The following HSPG2 variants were observed in gnomAD, a reference collection of about 807,000 sequenced individuals.
HSPG2 encodes heparan sulfate proteoglycan 2.
A neutral mutation model predicts 526.6 loss-of-function variants in HSPG2; 278 were observed. The observed-to-expected ratio is 0.53, with a 90% CI of 0.48 to 0.58. HSPG2 has a LOEUF of 0.58. Ranked by LOEUF, HSPG2 falls within the 20% of genes least tolerant of loss-of-function variation. The pLI, the probability that HSPG2 is intolerant of heterozygous loss-of-function variation, is 0.00. For synonymous variants in HSPG2, 2,465 were observed against 2,555.4 expected, an observed-to-expected ratio of 0.96 and a Z score of 1.07; for missense variants, 5,354 against 6,099.5, an observed-to-expected ratio of 0.88 and a Z score of 4.07.
At chr1:21,853,876 A>G (rs943561143) in intron 50 of HSPG2, 3 of 408,320 alleles carry the variant, frequency 7.3e-6, no homozygotes, top group Non-Finnish European at 4.6e-6. Flanking sequence ...CCAAAAGTTA[A>G]AAGCTAGTTC....
At position 21,879,007 on chromosome 1, in the gene HSPG2, C is replaced by T. The variant is rs1183271864; in HGVS notation, c.2458G>A (p.Asp820Asn). Reference sequence around the variant, plus strand: ...GCTGGGGCTGACCTGCGGGAGGCATCGATGTATGGGCAAGGGCAGGGCCGG... The same window carrying T: ...GCTGGGGCTGACCTGCGGGAGGCATTGATGTATGGGCAAGGGCAGGGCCGG... The part of the protein sequence containing the change: ...SCRPCPCPYI[D>N]ASRRFSDTCF... Residue 820 changes from aspartate to asparagine, a missense_variant, in exon 18 of 97, where the codon GAT (aspartate) becomes AAT (asparagine). Physicochemically the swap from Asp to Asn is conservative, Grantham distance 23. Coordinates refer to ENST00000374695, the MANE Select transcript of HSPG2 (RefSeq NM_005529.7). 3 of 1,613,746 alleles carry T rather than the reference C, an allele frequency of 1.9e-6. No individual in the cohort carries two copies. Among genetic ancestry groups the T allele is most frequent in the East Asian group, 2.2e-5 (1 of 44,890 alleles).
In HSPG2 at chr1:21,897,671, G is replaced by A. The variant is rs548294968; in HGVS notation, c.64-1361C>T. Among the ~76,000 whole-genome samples the A allele has an allele frequency of 2.6e-5, 4 of 152,248 alleles. No homozygotes were observed. In the East Asian group the frequency reaches 7.7e-4, roughly 29 times the overall value. On this transcript the variant is annotated intron_variant, in intron 1 of 96. Transcript: ENST00000374695. ...AGACACACAAGACTACAAACTATAC[G>A]ATTCCATTTATATGAACCCTTAGGG...
chr1:21,868,829 C>T (rs1572291495), intron 33 of HSPG2: 1 of 520,684 alleles, frequency 1.9e-6, no homozygotes. Context: ...GACAAAGGGC[C>T]CTCTGATATT....
chr1:21,936,735 T>C (rs966310839), intron 1 of HSPG2, among the ~76,000 whole-genome samples: 4 of 152,170 alleles, frequency 2.6e-5, no homozygotes, highest in African/African-American at 9.6e-5. Context: ...GCGAGACTCA[T>C]AGGGTCCCCA....
chr1:21,875,903 C>T lies in HSPG2; in HGVS notation c.3143G>A (p.Ser1048Asn). ...AATGAAGGTGCTGGGCTGGCCGGGGCTGGGCTCCTGGGCCACATGGTGCTC... is the reference window on the plus strand; with the variant it reads ...AATGAAGGTGCTGGGCTGGCCGGGGTTGGGCTCCTGGGCCACATGGTGCTC... ...ILEHHVAQEPSPGQPSTFIVP... is the reference protein window; with the variant it reads ...ILEHHVAQEPNPGQPSTFIVP... Residue 1048 changes from serine to asparagine, a missense_variant, in exon 24 of 97, where the codon AGC becomes AAC. Ser to Asn is a conservative substitution (Grantham distance 46). Coordinates refer to ENST00000374695, the MANE Select transcript of HSPG2 (RefSeq NM_005529.7). The T allele has an allele frequency of 6.2e-7, 1 of 1,614,172 alleles. No individual in the cohort carries two copies. The highest frequency in any genetic ancestry group is 8.5e-7 in the Non-Finnish European group (1 of 1,180,044).
intron 1 of HSPG2, among the ~76,000 whole-genome samples, chr1:21,921,444 TA>T (rs1644035803): frequency 3.9e-5 from 6 of 152,148 alleles, no homozygotes; most frequent in Admixed American, 3.3e-4. Context: ...CTGTGGGCCC[TA>T]AGACTGTCTC....
intron 75 of HSPG2, among the ~76,000 whole-genome samples, chr1:21,836,141 G>C (rs2098025539): frequency 6.6e-6 from 1 of 152,166 alleles, no homozygotes; most frequent in East Asian, 1.9e-4. Flanking sequence ...AGACCTTATG[G>C]TCTAGGGCTC....
At chr1:21,880,987 G>C in intron 14 of HSPG2, 152 bp from the exon 15 acceptor site, 1 of 860,090 alleles carries the variant, frequency 1.2e-6, no homozygotes, top group Non-Finnish European at 1.9e-6. Context: ...GGGAAACCGA[G>C]ATGGGCGAGA....
At chr1:21,880,588 A>T (rs748373319) in intron 15 of HSPG2, 29 bp from the exon 16 acceptor site, 24 of 1,610,040 alleles carry the variant, frequency 1.5e-5, no homozygotes, top group Non-Finnish European at 2.0e-5. Flanking sequence ...GGCAGGGGTC[A>T]CACATCAGTG....
rs751734807 is a variant in HSPG2, at chr1:21,854,694, C to T, written c.6205G>A (p.Asp2069Asn). 1.2e-4 allele frequency: 196 copies of T among 1,611,528 alleles called. No individual in the cohort carries two copies. The highest frequency in any genetic ancestry group is 2.7e-4 in the South Asian group (24 of 90,348). ...GACCCTGCCACCACACAGTTGAGGTCGAGTGTTTGCCCTTCTGTCACAGAA... is the reference window on the plus strand; with the variant it reads ...GACCCTGCCACCACACAGTTGAGGTTGAGTGTTTGCCCTTCTGTCACAGAA... ...SPSVTEGQTL[D>N]LNCVVAGSAH... Residue 2069 changes from aspartate (D) to asparagine (N), a missense_variant, in exon 49 of 97, where the codon GAC becomes AAC. By Grantham distance (23) the Asp-to-Asn change is conservative (BLOSUM62 1). Transcript: ENST00000374695.
At chr1:21,854,410 C>T in intron 49 of HSPG2, 67 bp from the exon 50 acceptor site, 1 of 1,533,066 alleles carries the variant, frequency 6.5e-7, no homozygotes, top group East Asian at 2.4e-5. Flanking sequence ...CTCCCTCAGC[C>T]TCAGTGATTC....
At position 21,839,731 on chromosome 1, in the gene HSPG2, C is replaced by G; in HGVS notation, c.9709+91G>C. On this transcript the variant is annotated intron_variant, in intron 72 of 96. Coordinates refer to ENST00000374695, the MANE Select transcript of HSPG2 (RefSeq NM_005529.7). This position sits in a 1 kb window ranked among gnomAD's most constrained non-coding sequence, Gnocchi z 4.5. The stretch of plus-strand genomic sequence containing the variant: ...TCTCCCCGTACTCCCCACCCCTGGG[C>G]ATGACATCATCTCTAGATCACATGT... 2 of 1,471,020 alleles carry G rather than the reference C, an allele frequency of 1.4e-6. No individual in the cohort carries two copies. 91.1% of individuals were successfully genotyped at this position (1,471,020 alleles called of 1,614,324 possible). A position where few individuals can be genotyped will look rare whatever the true frequency, so the allele number is the denominator to read the frequency against.
Position 21,890,316 on chromosome 1 carries a change from G to T in HSPG2, c.413+111C>A. On this transcript the variant is annotated intron_variant, in intron 5 of 96. Transcript: ENST00000374695. This position sits in a 1 kb window ranked among gnomAD's most constrained non-coding sequence, Gnocchi z 4.1. The stretch of plus-strand genomic sequence containing the variant: ...CAATTCCTGAATTTCCACCCACAGC[G>T]ACTCATCCCATAGGCCTTTCCGCGG... 7.8e-7 allele frequency: 1 copy of T among 1,284,958 alleles called. No individual in the cohort carries two copies. The highest frequency in any genetic ancestry group is 1.1e-6 in the Non-Finnish European group (1 of 885,764). The allele number at this position is 1,284,958 out of a possible 1,614,324, so 79.6% of individuals were successfully genotyped here. A position where few individuals can be genotyped will look rare whatever the true frequency, so the allele number is the denominator to read the frequency against.
chr1:21,874,264 T>C, intron 28 of HSPG2, 142 bp downstream of exon 28: 1 of 1,155,900 alleles, frequency 8.7e-7, no homozygotes, highest in Non-Finnish European at 1.2e-6. Context: ...AAGTGAAGTG[T>C]ATCTCACACC....
In HSPG2 at chr1:21,823,463, C is replaced by G. The variant is rs1006017692; in HGVS notation, c.13029G>C (p.Leu4343=). Residue 4343 remains leucine, a synonymous_variant, in exon 97 of 97, where the codon CTG becomes CTC. Transcript: ENST00000374695. The part of the protein sequence containing the change: ...YIGGAPDVAT[L]TGGRFSSGIT... ...TGCCTGAGGAGAATCTGCCCCCGGT[C>G]AGCGTGGCCACGTCAGGGGCTCCGC... The G allele has an allele frequency of 3.8e-6, 6 of 1,597,362 alleles. No homozygotes were observed. The highest frequency in any genetic ancestry group is 5.1e-6 in the Non-Finnish European group (6 of 1,176,164).
chr1:21,908,979 A>T (rs1398366776), intron 1 of HSPG2, among the ~76,000 whole-genome samples: 2 of 152,182 alleles, frequency 1.3e-5, no homozygotes, highest in African/African-American at 4.8e-5. Flanking sequence ...ATGGTGGCAC[A>T]TGCCTGTAAT....
At chr1:21,910,813 T>C (rs534942537) in intron 1 of HSPG2, among the ~76,000 whole-genome samples, 1 of 152,260 alleles carries the variant, frequency 6.6e-6, no homozygotes, top group South Asian at 2.1e-4. Context: ...CATCAAGCCT[T>C]ATGCTAAGTA....
chr1:21,852,902 C>T lies in HSPG2; in HGVS notation c.6591+17G>A, dbSNP rs1376017970. 1.2e-6 allele frequency: 2 copies of T among 1,611,986 alleles called. No homozygotes were observed. Among genetic ancestry groups the T allele is most frequent in the African/African-American group, 2.7e-5 (2 of 74,910 alleles). ...ATCCAGCCCCTCCAGCAAGGTGGTC[C>T]CGGGGGGCTGCCATACCTGGTGCCG... is the stretch of plus-strand genomic sequence containing the variant. On this transcript the variant is annotated intron_variant, in intron 51 of 96. Transcript: ENST00000374695.
At position 21,831,734 on chromosome 1, in the gene HSPG2, A is replaced by G; in HGVS notation, c.11270T>C (p.Phe3757Ser). The change falls in exon 82 of 97, where the codon TTC becomes TCC. Residue 3757 changes from phenylalanine to serine, a missense_variant. Coordinates refer to ENST00000374695, the MANE Select transcript of HSPG2 (RefSeq NM_005529.7). ...RHPTPLALGH[F>S]HTVTLLRSLT... ...GCTGCGCAGCAGGGTCACGGTGTGG[A>G]AATGGCCCAGGGCCAGTGGTGTGGG... is the stretch of plus-strand genomic sequence containing the variant. 1.9e-6 allele frequency: 3 copies of G among 1,606,592 alleles called. No homozygotes were observed. Among genetic ancestry groups the G allele is most frequent in the Non-Finnish European group, 2.6e-6 (3 of 1,175,052 alleles).
Sources: gnomAD v4.1 joint callset for allele counts (sites outside exome capture counted in the v4.1 genomes callset) on GRCh38, gnomAD v4.1.1 for gene constraint, Gnocchi (gnomAD v3.1) non-coding constraint, MANE v1.5 for transcripts, NCBI Gene and HGNC (gene_info 2026-07-23, HGNC 2026-07-21) for gene names.